ABLIM1: variants seen among roughly 807,000 people sequenced by gnomAD.
ABLIM1 encodes actin-binding LIM protein 1.
A neutral mutation model predicts 107.0 loss-of-function variants in ABLIM1; 40 were observed. The ratio of observed to expected loss-of-function variants is 0.37; its 90% CI spans 0.29 to 0.49. ABLIM1 has a LOEUF of 0.49. Ranked by LOEUF, ABLIM1 falls within the 20% of genes least tolerant of loss-of-function variation. The probability of loss-of-function intolerance (pLI) is 0.97; values close to 1 mark genes in which losing one functional copy is unlikely to be tolerated. For missense variants in ABLIM1, 857 were observed against 1,008.5 expected, an observed-to-expected ratio of 0.85 and a Z score of 2.04; for synonymous variants, 357 against 357.3, an observed-to-expected ratio of 1.00 and a Z score of 0.01.
chr10:114,736,019 T>C (rs2082171407), intron 1 of ABLIM1, among the ~76,000 whole-genome samples: 1 of 152,204 alleles, frequency 6.6e-6, no homozygotes, highest in African/African-American at 2.4e-5. Flanking sequence ...CACATCACCA[T>C]TTGTGGAGCA....
At chr10:114,601,801 G>C (rs1441717749) in intron 2 of ABLIM1, 26 bp downstream of exon 2, 2 of 1,614,160 alleles carry the variant, frequency 1.2e-6, no homozygotes, top group Non-Finnish European at 1.7e-6. Context: ...GCATGCCACT[G>C]AGCCACGAAG....
intron 1 of ABLIM1, among the ~76,000 whole-genome samples, chr10:114,645,061 T>C (rs1207323730): frequency 6.6e-6 from 1 of 152,180 alleles, no homozygotes; most frequent in Non-Finnish European, 1.5e-5. Flanking sequence ...AGATCCTCCA[T>C]TAGAATGGAG....
At chr10:114,681,448 G>A (rs1025813348) in intron 1 of ABLIM1, among the ~76,000 whole-genome samples, 1 of 152,192 alleles carries the variant, frequency 6.6e-6, no homozygotes, top group Non-Finnish European at 1.5e-5. Context: ...GCCCGCCTCA[G>A]CCTCCCAAAG....
At chr10:114,592,395 A>G (rs2074983828) in intron 2 of ABLIM1, among the ~76,000 whole-genome samples, 1 of 152,186 alleles carries the variant, frequency 6.6e-6, no homozygotes, top group Admixed American at 6.6e-5. Context: ...AATTCAGCAG[A>G]GTGAAACAGG....
chr10:114,746,177 G>A (rs904889591), intron 1 of ABLIM1, among the ~76,000 whole-genome samples: 20 of 151,918 alleles, frequency 1.3e-4, no homozygotes, highest in African/African-American at 4.6e-4. Flanking sequence ...CACATGCTCC[G>A]CCACTGATCT....
chr10:114,539,023 C>T (rs929394248), intron 6 of ABLIM1, among the ~76,000 whole-genome samples: 15 of 152,178 alleles, frequency 9.9e-5, no homozygotes, highest in Non-Finnish European at 1.6e-4. Flanking sequence ...GCTTTTTTTT[C>T]CAAACACTTG....
chr10:114,584,198 G>A (rs2073941496), intron 2 of ABLIM1, among the ~76,000 whole-genome samples: 1 of 151,844 alleles, frequency 6.6e-6, no homozygotes, highest in Admixed American at 6.6e-5. Flanking sequence ...CACCATCCCT[G>A]CACCTTCCTA....
At chr10:114,748,283 T>A (rs185544090) in intron 1 of ABLIM1, among the ~76,000 whole-genome samples, 1 of 152,152 alleles carries the variant, frequency 6.6e-6, no homozygotes, top group Non-Finnish European at 1.5e-5. Flanking sequence ...TTAAAAAGCA[T>A]ACATAATGGT....
chr10:114,606,724 C>G (rs555243091), intron 1 of ABLIM1, among the ~76,000 whole-genome samples: 2 of 152,200 alleles, frequency 1.3e-5, no homozygotes, highest in Non-Finnish European at 2.9e-5. Flanking sequence ...TCTCATTTCA[C>G]TCTCACAGGA....
At chr10:114,775,520 G>C in the ABLIM1 span, among the ~76,000 whole-genome samples, 1 of 152,208 alleles carries the variant, frequency 6.6e-6, no homozygotes, top group Non-Finnish European at 1.5e-5. Flanking sequence ...GAATACCATA[G>C]ATAGACCAGG....
At chr10:114,639,702 A>C (rs2078649265) in intron 1 of ABLIM1, among the ~76,000 whole-genome samples, 1 of 152,354 alleles carries the variant, frequency 6.6e-6, no homozygotes, top group African/African-American at 2.4e-5. Context: ...ATTTGGTTTA[A>C]TGCTTTGCTA....
chr10:114,645,153 A>G (rs2078958833), intron 1 of ABLIM1, among the ~76,000 whole-genome samples: 1 of 152,124 alleles, frequency 6.6e-6, no homozygotes, highest in Non-Finnish European at 1.5e-5. Flanking sequence ...CCTCCGTGGC[A>G]CTCGCCTCTA....
chr10:114,565,520 G>T (rs1466512193), intron 4 of ABLIM1, among the ~76,000 whole-genome samples: 1 of 152,160 alleles, frequency 6.6e-6, no homozygotes, highest in Non-Finnish European at 1.5e-5. Flanking sequence ...GGAAGTGGAG[G>T]ATGGGGAAGT....
At chr10:114,690,513 T>C in intron 1 of ABLIM1, 1 of 1,471,532 alleles carries the variant, frequency 6.8e-7, no homozygotes, top group Non-Finnish European at 9.5e-7. Context: ...AAATCCTTTC[T>C]CTCCCATGCC....
At chr10:114,517,169 T>C (rs568047598) in intron 6 of ABLIM1, among the ~76,000 whole-genome samples, 55 of 152,270 alleles carry the variant, frequency 3.6e-4, no homozygotes, top group African/African-American at 1.3e-3. Flanking sequence ...CCCAAAGATA[T>C]GTCCAACCTG....
intron 5 of ABLIM1, among the ~76,000 whole-genome samples, chr10:114,545,396 A>G (rs1260278136): frequency 6.6e-6 from 1 of 152,220 alleles, no homozygotes; most frequent in African/African-American, 2.4e-5. Flanking sequence ...AAAGCCTGGC[A>G]GCATTCTCTC....
upstream of ABLIM1, among the ~76,000 whole-genome samples, chr10:114,659,087 CCTT>C (rs766600243): frequency 3.3e-5 from 5 of 152,190 alleles, no homozygotes; most frequent in Non-Finnish European, 5.9e-5. Context: ...AACTCACACT[CCTT>C]CTCCTGTCAT....
chr10:114,787,265 C>A, the ABLIM1 span, among the ~76,000 whole-genome samples: 18 of 151,898 alleles, frequency 1.2e-4, no homozygotes, highest in African/African-American at 4.1e-4. Context: ...CTGGCAACCG[C>A]CCTGTCTGAG....
intron 1 of ABLIM1, among the ~76,000 whole-genome samples, chr10:114,715,228 C>T (rs900728456): frequency 2.6e-5 from 4 of 152,100 alleles, no homozygotes; most frequent in Non-Finnish European, 2.9e-5. Flanking sequence ...ATTAAAAGAG[C>T]GAGCCAAGAA....
Sources: allele counts gnomAD v4.1 joint callset (sites outside exome capture counted in the v4.1 genomes callset), GRCh38; gene constraint gnomAD v4.1.1; transcripts MANE v1.5; gene names NCBI Gene and HGNC (gene_info 2026-07-23, HGNC 2026-07-21).